The following SLC39A11 variants were observed in gnomAD, a reference collection of about 807,000 sequenced individuals.
The protein encoded by SLC39A11 is zinc transporter ZIP11.
In SLC39A11, 33 loss-of-function variants were observed where a neutral mutation model predicts 36.1. That is an observed-to-expected ratio of 0.91 (90% CI 0.69 to 1.22). The LOEUF is 1.22. SLC39A11 is among the 50% of genes most tolerant of loss of function. The pLI, the probability that SLC39A11 is intolerant of heterozygous loss-of-function variation, is 0.00. For synonymous variants in SLC39A11, 166 were observed against 170.3 expected, an observed-to-expected ratio of 0.97 and a Z score of 0.20; for missense variants, 432 against 430.3, an observed-to-expected ratio of 1.00 and a Z score of -0.03.
At chr17:72,729,909 C>A (rs371966655) in intron 7 of SLC39A11, among the ~76,000 whole-genome samples, 9 of 152,066 alleles carry the variant, frequency 5.9e-5, no homozygotes, top group South Asian at 2.1e-4. Flanking sequence ...GCTTAACTGT[C>A]GATTAATAAA....
intron 4 of SLC39A11, among the ~76,000 whole-genome samples, chr17:73,004,370 C>T (rs1038396405): frequency 6.6e-6 from 1 of 152,208 alleles, no homozygotes; most frequent in African/African-American, 2.4e-5. Context: ...TGCTCCTCGG[C>T]TCCCAGAGGG....
intron 3 of SLC39A11, among the ~76,000 whole-genome samples, chr17:73,047,475 C>A (rs946686916): frequency 1.3e-5 from 2 of 151,982 alleles, no homozygotes; most frequent in African/African-American, 2.4e-5. Context: ...TAGTAACACT[C>A]GTAAATAAAA....
intron 2 of SLC39A11, among the ~76,000 whole-genome samples, chr17:73,085,793 A>G (rs941078612): frequency 1.3e-5 from 2 of 152,170 alleles, no homozygotes; most frequent in Admixed American, 1.3e-4. Flanking sequence ...TATTCAACAA[A>G]CCCATGAAGA....
At chr17:72,660,326 TTGAG>T (rs1328072518) in intron 7 of SLC39A11, among the ~76,000 whole-genome samples, 7 of 152,240 alleles carry the variant, frequency 4.6e-5, no homozygotes, top group Non-Finnish European at 8.8e-5. Flanking sequence ...CTGTTATTTA[TTGAG>T]TATTACTACG....
At chr17:72,857,353 T>G (rs1356462690) in intron 5 of SLC39A11, among the ~76,000 whole-genome samples, 1 of 152,230 alleles carries the variant, frequency 6.6e-6, no homozygotes, top group South Asian at 2.1e-4. Context: ...ATGGTATATA[T>G]GTACCATATT....
chr17:72,769,933 T>G (rs533595510), intron 6 of SLC39A11, among the ~76,000 whole-genome samples: 1 of 152,276 alleles, frequency 6.6e-6, no homozygotes, highest in Non-Finnish European at 1.5e-5. Flanking sequence ...AAGCTCCCCC[T>G]GGCTTCCAGT....
intron 4 of SLC39A11, among the ~76,000 whole-genome samples, chr17:73,004,210 A>G (rs1187133641): frequency 2.3e-5 from 3 of 129,086 alleles, no homozygotes; most frequent in Admixed American, 8.1e-5. Context: ...AAAGAAAGAA[A>G]GAAAGAAAGA....
intron 7 of SLC39A11, among the ~76,000 whole-genome samples, chr17:72,689,725 G>T (rs1261682832): frequency 6.6e-6 from 1 of 152,314 alleles, no homozygotes; most frequent in East Asian, 1.9e-4. Flanking sequence ...CCACTGACAT[G>T]ACATGCCCCA....
chr17:72,984,364 G>A (rs1245922965), intron 4 of SLC39A11, among the ~76,000 whole-genome samples: 1 of 137,442 alleles, frequency 7.3e-6, no homozygotes, highest in Non-Finnish European at 1.6e-5. Flanking sequence ...AAGCTTTATT[G>A]GAACTCAGAC....
intron 5 of SLC39A11, among the ~76,000 whole-genome samples, chr17:72,876,643 G>C (rs1229953789): frequency 6.6e-6 from 1 of 152,058 alleles, no homozygotes; most frequent in Non-Finnish European, 1.5e-5. Context: ...CCCCTCACCT[G>C]TCATGATCAC....
At chr17:72,781,846 T>A (rs2144884071) in intron 6 of SLC39A11, among the ~76,000 whole-genome samples, 1 of 151,852 alleles carries the variant, frequency 6.6e-6, no homozygotes, top group East Asian at 1.9e-4. Context: ...CTCGGTACAT[T>A]TCATCCTGAG....
chr17:72,837,382 A>AAG (rs1455064996), intron 6 of SLC39A11, among the ~76,000 whole-genome samples: 22 of 148,334 alleles, frequency 1.5e-4, no homozygotes, highest in African/African-American at 5.3e-4. Context: ...AAAAAAAAAA[A>AAG]GCAGGACTCA....
At chr17:72,648,694 G>C (rs540027165) in intron 9 of SLC39A11, 109 bp downstream of exon 9, 103 of 1,332,206 alleles carry the variant, frequency 7.7e-5, no homozygotes, top group East Asian at 6.7e-4. Context: ...GGGGCAGAGA[G>C]GGGGAGGGAA....
chr17:72,653,421 T>TTTTTC (rs1024748280), intron 7 of SLC39A11, among the ~76,000 whole-genome samples: 2 of 142,918 alleles, frequency 1.4e-5, no homozygotes, highest in Non-Finnish European at 3.0e-5. Context: ...TTTGTTTTGG[T>TTTTTC]TTTTCTTTTC....
chr17:72,787,971 A>G (rs945938795), intron 6 of SLC39A11, among the ~76,000 whole-genome samples: 1 of 152,146 alleles, frequency 6.6e-6, no homozygotes, highest in African/African-American at 2.4e-5. Flanking sequence ...TTATTTGTAC[A>G]ATTCTTTCAT....
intron 4 of SLC39A11, among the ~76,000 whole-genome samples, chr17:72,948,663 AT>A (rs2085613362): frequency 6.6e-6 from 1 of 152,208 alleles, no homozygotes; most frequent in Non-Finnish European, 1.5e-5. Context: ...CCTTAAAACA[AT>A]CATGTCATTC....
chr17:72,917,651 T>C (rs1398574778), intron 5 of SLC39A11, among the ~76,000 whole-genome samples: 1 of 152,182 alleles, frequency 6.6e-6, no homozygotes, highest in Admixed American at 6.5e-5. Context: ...ACTAGGGCCC[T>C]TGTGACATGT....
At chr17:72,706,479 T>G (rs1374389772) in intron 7 of SLC39A11, among the ~76,000 whole-genome samples, 1 of 152,162 alleles carries the variant, frequency 6.6e-6, no homozygotes, top group Non-Finnish European at 1.5e-5. Flanking sequence ...TAAAGAATTC[T>G]CAATTCTCAA....
intron 5 of SLC39A11, among the ~76,000 whole-genome samples, chr17:72,902,405 C>G (rs562567191): frequency 4.6e-5 from 7 of 151,386 alleles, no homozygotes; most frequent in African/African-American, 1.7e-4. Flanking sequence ...CTACCAGACA[C>G]TAGGAAGAGG....
Sources: allele counts gnomAD v4.1 joint callset (sites outside exome capture counted in the v4.1 genomes callset), GRCh38; gene constraint gnomAD v4.1.1; transcripts MANE v1.5; gene names NCBI Gene and HGNC (gene_info 2026-07-23, HGNC 2026-07-21).